Variants in DCTN6 observed in about 807,000 individuals in gnomAD.
DCTN6 encodes the protein dynactin 6.
A neutral mutation model predicts 25.8 loss-of-function variants in DCTN6; 15 were observed. That is an observed-to-expected ratio of 0.58 (90% CI 0.39 to 0.89). The LOEUF (loss-of-function observed/expected upper bound fraction) is 0.89, where lower values mean the gene tolerates loss of function less well. Ranked by LOEUF, DCTN6 falls within the 40% of genes least tolerant of loss-of-function variation. The pLI is 0.00. For missense variants in DCTN6, 198 were observed against 237.6 expected, an observed-to-expected ratio of 0.83 and a Z score of 1.09; for synonymous variants, 64 against 78.3, an observed-to-expected ratio of 0.82 and a Z score of 0.96.
At chr8:30,174,315 C>G (rs1485432680) in intron 2 of DCTN6, among the ~76,000 whole-genome samples, 1 of 151,986 alleles carries the variant, frequency 6.6e-6, no homozygotes, top group Non-Finnish European at 1.5e-5. Context: ...TGACTTCTGT[C>G]CACCCATATT....
In DCTN6 at chr8:30,171,882, T is replaced by A. The variant is rs371037571; in HGVS notation, c.89-3203T>A. Among the ~76,000 whole-genome samples the A allele has an allele frequency of 7.9e-5, 12 of 152,260 alleles. 1 individual carries two copies. The South Asian group carries it at 2.5e-3, about 32-fold the overall frequency. ...TCAGCCCAAAGAAGTAGGTTACAGA[T>A]CTCTTCTTTCTGTAGATGAGAAAAC... On this transcript the variant is annotated intron_variant, in intron 2 of 6. Transcript: ENST00000221114.
chr8:30,180,200 T>C (rs1332894114), intron 5 of DCTN6, among the ~76,000 whole-genome samples: 1 of 152,234 alleles, frequency 6.6e-6, no homozygotes, highest in East Asian at 1.9e-4. Flanking sequence ...TTCCTTAAAC[T>C]GTGAAGTAGA....
At chr8:30,162,401 G>T in intron 1 of DCTN6, among the ~76,000 whole-genome samples, 1 of 152,136 alleles carries the variant, frequency 6.6e-6, no homozygotes, top group Non-Finnish European at 1.5e-5. Context: ...CAAAACTATT[G>T]TATTTCTGTA....
intron 1 of DCTN6, 60 bp downstream of exon 1, chr8:30,156,466 C>T: frequency 6.4e-7 from 1 of 1,561,378 alleles, no homozygotes; most frequent in South Asian, 1.2e-5. Context: ...GAACCTGTTC[C>T]TGGTCGCCAA....
intron 2 of DCTN6, among the ~76,000 whole-genome samples, chr8:30,167,984 A>G (rs1330721268): frequency 1.3e-5 from 2 of 152,196 alleles, no homozygotes. Context: ...ATTATAACAT[A>G]AGAAGTGGTA....
intron 5 of DCTN6, among the ~76,000 whole-genome samples, chr8:30,179,856 T>G (rs1427594864): frequency 6.6e-6 from 1 of 152,122 alleles, no homozygotes; most frequent in African/African-American, 2.4e-5. Flanking sequence ...GAAACAAATA[T>G]CATGTGCTTG....
chr8:30,156,759 C>T (rs1453577943), intron 1 of DCTN6, among the ~76,000 whole-genome samples: 2 of 152,310 alleles, frequency 1.3e-5, no homozygotes, highest in African/African-American at 2.4e-5. Context: ...CCCGCATAAT[C>T]GGCGGTGCTT....
At chr8:30,180,953 G>A (rs1803903934) in intron 6 of DCTN6, 2 of 355,396 alleles carry the variant, frequency 5.6e-6, no homozygotes. Context: ...GATAATTCTT[G>A]AGTGTGAGGT....
chr8:30,182,813 G>A (rs1803927261), intron 6 of DCTN6, among the ~76,000 whole-genome samples: 6 of 151,542 alleles, frequency 4.0e-5, no homozygotes, highest in African/African-American at 1.5e-4. Context: ...CTGCACCCCT[G>A]CCGCCCTGCT....
At chr8:30,177,065 G>A (rs1803845528) in intron 3 of DCTN6, 61 bp from the exon 4 acceptor site, 2 of 1,368,722 alleles carry the variant, frequency 1.5e-6, no homozygotes, top group Non-Finnish European at 2.1e-6. Context: ...ATTCGAAAAT[G>A]GGAAGAAAAT....
intron 6 of DCTN6, 56 bp downstream of exon 6, chr8:30,180,686 TG>T: frequency 6.3e-7 from 1 of 1,585,608 alleles, no homozygotes; most frequent in Non-Finnish European, 8.6e-7. Context: ...CAAAATACAA[TG>T]TAATTGTCTT....
chr8:30,169,231 C>T (rs570493351), intron 2 of DCTN6, among the ~76,000 whole-genome samples: 1 of 152,306 alleles, frequency 6.6e-6, no homozygotes, highest in South Asian at 2.1e-4. Context: ...ACCTATAAAG[C>T]ACTCTTACAG....
chr8:30,179,825 A>C (rs564360240), intron 5 of DCTN6, among the ~76,000 whole-genome samples: 1 of 152,180 alleles, frequency 6.6e-6, no homozygotes, highest in African/African-American at 2.4e-5. Flanking sequence ...AATTTCAGGA[A>C]TACTTTTCCC....
At chr8:30,183,006 G>A (rs1343932872) in intron 6 of DCTN6, 69 bp from the exon 7 acceptor site, 98 of 1,333,062 alleles carry the variant, frequency 7.4e-5, no homozygotes, top group African/African-American at 1.3e-4. Context: ...GACCCACCAC[G>A]CCTGGTTGCT....
At chr8:30,161,936 A>T (rs1803602507) in intron 1 of DCTN6, among the ~76,000 whole-genome samples, 1 of 148,668 alleles carries the variant, frequency 6.7e-6, no homozygotes, top group African/African-American at 2.5e-5. Flanking sequence ...TTTAGTAGAG[A>T]CGGGGTTTCA....
intron 1 of DCTN6, among the ~76,000 whole-genome samples, chr8:30,156,968 A>G (rs1018523774): frequency 1.3e-5 from 2 of 152,186 alleles, no homozygotes; most frequent in Non-Finnish European, 2.9e-5. Flanking sequence ...TATAGATGCA[A>G]GGAGTACTTG....
chr8:30,165,043 G>A (rs1235124081), intron 2 of DCTN6, among the ~76,000 whole-genome samples: 1 of 152,070 alleles, frequency 6.6e-6, no homozygotes, highest in Non-Finnish European at 1.5e-5. Context: ...AGGAAAAAGA[G>A]GAGAAGAGAT....
At chr8:30,159,445 G>A (rs551648415) in intron 1 of DCTN6, among the ~76,000 whole-genome samples, 7 of 151,936 alleles carry the variant, frequency 4.6e-5, no homozygotes, top group Non-Finnish European at 1.0e-4. Flanking sequence ...GGAATACTTG[G>A]GGGGAAGATT....
At chr8:30,174,113 C>T (rs575327625) in intron 2 of DCTN6, among the ~76,000 whole-genome samples, 18 of 152,308 alleles carry the variant, frequency 1.2e-4, no homozygotes, top group Admixed American at 7.2e-4. Context: ...CGCCTCAGGG[C>T]TCCCCACGCC....
Sources: gnomAD v4.1 joint callset for allele counts (sites outside exome capture counted in the v4.1 genomes callset) on GRCh38, gnomAD v4.1.1 for gene constraint, MANE v1.5 for transcripts, NCBI Gene and HGNC (gene_info 2026-07-23, HGNC 2026-07-21) for gene names.